REEP1: variants seen among roughly 807,000 people sequenced by gnomAD.
The protein encoded by REEP1 is receptor accessory protein 1.
Under a neutral mutation model 40.3 loss-of-function variants are expected in REEP1, and 22 were observed. The ratio of observed to expected loss-of-function variants is 0.55; its 90% CI spans 0.39 to 0.78. The LOEUF is 0.78. REEP1 is among the 30% of genes least tolerant of loss of function. The pLI is 0.00. For synonymous variants in REEP1, 116 were observed against 139.2 expected, an observed-to-expected ratio of 0.83 and a Z score of 1.17; for missense variants, 280 against 361.1, an observed-to-expected ratio of 0.78 and a Z score of 1.82.
In REEP1 at chr2:86,216,826, T is replaced by A. The variant is rs1674136809; in HGVS notation, c.*213A>T. The A allele has an allele frequency of 1.2e-3, 469 of 405,896 alleles. No individual in the cohort carries two copies. The highest frequency in any genetic ancestry group is 3.1e-3 in the Middle Eastern group (4 of 1,274). 25.1% of individuals were successfully genotyped at this position (405,896 alleles called of 1,614,324 possible). A position where few individuals can be genotyped will look rare whatever the true frequency, so the allele number is the denominator to read the frequency against. On this transcript the variant is annotated 3_prime_UTR_variant, in exon 9 of 9. Transcript: ENST00000538924. The stretch of plus-strand genomic sequence containing the variant: ...ACTTAAAGGTCACCACCCCCGCCCC[T>A]ACTACCTTTCCCTTTAGCCTCTCCC...
intron 1 of REEP1, among the ~76,000 whole-genome samples, chr2:86,334,644 A>AT (rs1237577408): frequency 2.0e-5 from 3 of 152,142 alleles, no homozygotes; most frequent in African/African-American, 7.2e-5. Flanking sequence ...TCTGAATTGT[A>AT]TTTTATCTAG....
At chr2:86,283,904 C>A (rs1678239998) in intron 1 of REEP1, among the ~76,000 whole-genome samples, 1 of 152,128 alleles carries the variant, frequency 6.6e-6, no homozygotes, top group African/African-American at 2.4e-5. Flanking sequence ...GATCACTGTG[C>A]ACTACCTTGG....
chr2:86,241,646 G>A (rs1208351708), intron 5 of REEP1, among the ~76,000 whole-genome samples: 1 of 152,134 alleles, frequency 6.6e-6, no homozygotes, highest in Non-Finnish European at 1.5e-5. Context: ...AAGGACACTG[G>A]AGGAACTAGA....
intron 1 of REEP1, among the ~76,000 whole-genome samples, chr2:86,303,244 T>G (rs1228555015): frequency 7.7e-6 from 1 of 129,914 alleles, no homozygotes; most frequent in Non-Finnish European, 1.6e-5. Flanking sequence ...TTGGACAGAG[T>G]CTCGCTCTGT....
At position 86,285,450 on chromosome 2, in the gene REEP1, T is replaced by C. The variant is rs1678336618; in HGVS notation, c.33-3208A>G. On this transcript the variant is annotated intron_variant, in intron 1 of 8. Transcript: ENST00000538924. ...TATTATATCATTGAGTGTTCACTAA[T>C]GCCAGGCACTGTTCTACAAGCTGTA... Among the ~76,000 whole-genome samples the C allele has an allele frequency of 1.3e-5, 2 of 152,226 alleles. 1 individual carries two copies. Among genetic ancestry groups the C allele is most frequent in the South Asian group, 4.1e-4 (2 of 4,832 alleles).
chr2:86,274,856 C>G lies in REEP1; in HGVS notation c.105+7314G>C, dbSNP rs183652051. Among the ~76,000 whole-genome samples the G allele has an allele frequency of 7.2e-5, 11 of 152,268 alleles. No individual in the cohort carries two copies. In the South Asian group the frequency reaches 1.5e-3, roughly 20 times the overall value. On this transcript the variant is annotated intron_variant, in intron 2 of 8. Coordinates refer to ENST00000538924, the MANE Select transcript of REEP1 (RefSeq NM_001371279.1). ...AAGATGCTGTGACCCTCAGCCACAG[C>G]AAGAAGCTCCAGAGCTCAGGGTAGG...
At chr2:86,264,472 C>A (rs545953661) in intron 2 of REEP1, among the ~76,000 whole-genome samples, 2 of 152,198 alleles carry the variant, frequency 1.3e-5, no homozygotes, top group African/African-American at 4.8e-5. Flanking sequence ...TCCCATGTGA[C>A]CATCCTTTTC....
intron 2 of REEP1, among the ~76,000 whole-genome samples, chr2:86,271,682 C>G (rs1677459523): frequency 6.6e-6 from 1 of 152,208 alleles, no homozygotes; most frequent in South Asian, 2.1e-4. Context: ...TAACTACTGT[C>G]TGAGACACTG....
chr2:86,245,665 C>A (rs553876978), intron 5 of REEP1, among the ~76,000 whole-genome samples: 2 of 152,228 alleles, frequency 1.3e-5, no homozygotes, highest in Admixed American at 6.5e-5. Flanking sequence ...TGGCTCCCAC[C>A]TTTAGGAACT....
chr2:86,289,677 C>T (rs1210241401), intron 1 of REEP1, among the ~76,000 whole-genome samples: 2 of 152,128 alleles, frequency 1.3e-5, no homozygotes, highest in African/African-American at 2.4e-5. Context: ...AACATGGTGG[C>T]CTCCATTTCC....
chr2:86,231,592 A>C (rs547873316), intron 6 of REEP1, among the ~76,000 whole-genome samples: 8 of 152,334 alleles, frequency 5.3e-5, no homozygotes, highest in African/African-American at 1.7e-4. Context: ...GTGGCCAGAC[A>C]TCTCTGTTTA....
At chr2:86,331,159 G>T (rs1680744492) in intron 1 of REEP1, among the ~76,000 whole-genome samples, 1 of 152,156 alleles carries the variant, frequency 6.6e-6, no homozygotes, top group Non-Finnish European at 1.5e-5. Flanking sequence ...TATGCCAGGG[G>T]CTTTAGATGC....
chr2:86,326,066 A>G (rs777576613), intron 1 of REEP1, among the ~76,000 whole-genome samples: 53 of 152,138 alleles, frequency 3.5e-4, no homozygotes, highest in Non-Finnish European at 5.9e-4. Flanking sequence ...ACAATTTCCA[A>G]CCAAAGCCAG....
intron 1 of REEP1, chr2:86,297,638 CG>C (rs1302158960): frequency 2.2e-5 from 20 of 907,368 alleles, no homozygotes; most frequent in Non-Finnish European, 2.4e-5. Context: ...AGATTCTCCC[CG>C]GGGGTTGGAG....
intron 1 of REEP1, among the ~76,000 whole-genome samples, chr2:86,288,050 C>A (rs748353677): frequency 2.8e-5 from 4 of 141,506 alleles, no homozygotes; most frequent in Non-Finnish European, 4.4e-5. Context: ...GAGATGGAGT[C>A]TCGCTCCCAT....
chr2:86,219,356 G>A (rs915744614), intron 8 of REEP1, among the ~76,000 whole-genome samples: 8 of 151,728 alleles, frequency 5.3e-5, no homozygotes, highest in African/African-American at 1.2e-4. Flanking sequence ...TCACTTGTAC[G>A]TCAACTTAGA....
chr2:86,226,397 TAGTCCTCTGAAG>T (rs1558870347), intron 7 of REEP1, among the ~76,000 whole-genome samples: 5 of 65,914 alleles, frequency 7.6e-5, no homozygotes, highest in Non-Finnish European at 1.6e-4. Flanking sequence ...CAGAGGACCT[TAGTCCTCTGAAG>T]TTCCTGTGTC....
intron 3 of REEP1, among the ~76,000 whole-genome samples, chr2:86,261,565 T>C (rs1676852195): frequency 6.6e-6 from 1 of 152,134 alleles, no homozygotes; most frequent in African/African-American, 2.4e-5. Flanking sequence ...CACTCCCTAA[T>C]CTCAAGTACC....
At chr2:86,217,507 T>C (rs572802798) in intron 8 of REEP1, among the ~76,000 whole-genome samples, 1 of 152,286 alleles carries the variant, frequency 6.6e-6, no homozygotes, top group Admixed American at 6.5e-5. Flanking sequence ...TTTTGGTACA[T>C]GCCTCAAATT....
Sources: gnomAD v4.1 joint callset for allele counts (sites outside exome capture counted in the v4.1 genomes callset) on GRCh38, gnomAD v4.1.1 for gene constraint, MANE v1.5 for transcripts, NCBI Gene and HGNC (gene_info 2026-07-23, HGNC 2026-07-21) for gene names.